The following STK3 variants were observed in gnomAD, a reference collection of about 807,000 sequenced individuals.
The protein encoded by STK3 is serine/threonine-protein kinase 3.
Under a neutral mutation model 58.0 loss-of-function variants are expected in STK3, and 41 were observed. That is an observed-to-expected ratio of 0.71 (90% CI 0.55 to 0.92). The LOEUF is 0.92. Ranked by LOEUF, STK3 falls within the 40% of genes least tolerant of loss-of-function variation. The pLI, the probability that STK3 is intolerant of heterozygous loss-of-function variation, is 0.00. For synonymous variants in STK3, 170 were observed against 191.0 expected, an observed-to-expected ratio of 0.89 and a Z score of 0.91; for missense variants, 479 against 602.7, an observed-to-expected ratio of 0.79 and a Z score of 2.15.
At chr8:98,404,274 T>C (rs1316381652) in intron 3 of STK3, among the ~76,000 whole-genome samples, 5 of 152,192 alleles carry the variant, frequency 3.3e-5, no homozygotes, top group Admixed American at 2.0e-4. Flanking sequence ...CAGTGGTTCA[T>C]GCCTGTAATC....
chr8:98,419,762 T>A (rs1225599635), intron 3 of STK3, among the ~76,000 whole-genome samples: 1 of 152,206 alleles, frequency 6.6e-6, no homozygotes. Context: ...CTTCTTCCTA[T>A]AATCTCGACA....
intron 6 of STK3, among the ~76,000 whole-genome samples, chr8:98,698,294 T>C (rs2131007555): frequency 6.6e-6 from 1 of 151,910 alleles, no homozygotes; most frequent in East Asian, 1.9e-4. Context: ...TACAGCACAC[T>C]GATGGGTCTT....
chr8:98,585,871 G>A (rs1050047425), intron 7 of STK3, among the ~76,000 whole-genome samples: 1 of 151,248 alleles, frequency 6.6e-6, no homozygotes, highest in Admixed American at 6.6e-5. Context: ...GTGAATGGGA[G>A]TTCACTCATG....
At chr8:98,631,936 A>G (rs1441862169) in intron 6 of STK3, among the ~76,000 whole-genome samples, 2 of 152,240 alleles carry the variant, frequency 1.3e-5, no homozygotes, top group Non-Finnish European at 2.9e-5. Flanking sequence ...AAGTGCTGGG[A>G]TTACAGGCGT....
chr8:98,395,773 T>C (rs1817892147), intron 3 of STK3, among the ~76,000 whole-genome samples: 2 of 152,206 alleles, frequency 1.3e-5, no homozygotes, highest in African/African-American at 2.4e-5. Context: ...ACAATGTTAG[T>C]AAACCACCTA....
intron 3 of STK3, among the ~76,000 whole-genome samples, chr8:98,411,386 A>T (rs1345896751): frequency 2.0e-5 from 3 of 152,230 alleles, no homozygotes; most frequent in Admixed American, 6.5e-5. Context: ...TTCACAGGAA[A>T]ACATCTTCAC....
intron 9 of STK3, among the ~76,000 whole-genome samples, chr8:98,534,280 T>A (rs901758378): frequency 6.6e-6 from 1 of 152,190 alleles, no homozygotes; most frequent in Non-Finnish European, 1.5e-5. Context: ...GTACCCACTG[T>A]AAAGATATTG....
chr8:98,614,605 C>A (rs918318181), intron 6 of STK3, among the ~76,000 whole-genome samples: 24 of 149,634 alleles, frequency 1.6e-4, no homozygotes, highest in Admixed American at 1.3e-3. Flanking sequence ...GGTGTGCGCA[C>A]CGTGCGCGAG....
chr8:98,385,935 T>C (rs1817786823), intron 1 of STK3, among the ~76,000 whole-genome samples: 2 of 152,166 alleles, frequency 1.3e-5, no homozygotes, highest in African/African-American at 4.8e-5. Context: ...AGAGAATAAT[T>C]ATTGAACAGT....
At chr8:98,475,615 G>A (rs1360141316) in intron 10 of STK3, among the ~76,000 whole-genome samples, 1 of 152,086 alleles carries the variant, frequency 6.6e-6, no homozygotes, top group East Asian at 1.9e-4. Context: ...CCATCCATTT[G>A]AAATATTTAA....
intron 6 of STK3, among the ~76,000 whole-genome samples, chr8:98,683,340 TGCTAAGTTG>T (rs1448015960): frequency 2.0e-5 from 3 of 152,122 alleles, no homozygotes; most frequent in African/African-American, 7.2e-5. Context: ...TTGATTCTTA[TGCTAAGTTG>T]TAAGTACAAC....
At chr8:98,928,277 C>T (rs1839878172) in intron 1 of STK3, among the ~76,000 whole-genome samples, 1 of 152,192 alleles carries the variant, frequency 6.6e-6, no homozygotes, top group South Asian at 2.1e-4. Flanking sequence ...TAAAGCAATG[C>T]AAGGCTATCA....
intron 9 of STK3, among the ~76,000 whole-genome samples, chr8:98,542,585 C>T (rs765883980): frequency 2.0e-5 from 3 of 152,072 alleles, no homozygotes; most frequent in Non-Finnish European, 4.4e-5. Flanking sequence ...CAGAGTTGCT[C>T]GATAGCTCAG....
chr8:98,521,633 T>C (rs533970064), intron 10 of STK3, among the ~76,000 whole-genome samples: 1 of 152,256 alleles, frequency 6.6e-6, no homozygotes, highest in Admixed American at 6.5e-5. Flanking sequence ...TCTGTAACCT[T>C]GCAAGCTTTC....
At chr8:98,742,333 T>G (rs1232667765) in intron 4 of STK3, among the ~76,000 whole-genome samples, 5 of 148,622 alleles carry the variant, frequency 3.4e-5, no homozygotes, top group Non-Finnish European at 3.0e-5. Flanking sequence ...AAATGCTCAA[T>G]AAAATACTGG....
chr8:98,747,352 T>G (rs1275994625), intron 4 of STK3, among the ~76,000 whole-genome samples: 1 of 152,114 alleles, frequency 6.6e-6, no homozygotes, highest in Non-Finnish European at 1.5e-5. Context: ...TACAAGCTCT[T>G]AAAAACAAAT....
intron 6 of STK3, among the ~76,000 whole-genome samples, chr8:98,664,582 C>T (rs1250235481): frequency 6.6e-6 from 1 of 152,178 alleles, no homozygotes; most frequent in Non-Finnish European, 1.5e-5. Context: ...TTTAGCCCAA[C>T]TTCGTTTGGT....
intron 3 of STK3, chr8:98,427,825 C>T: frequency 1.6e-6 from 1 of 619,528 alleles, no homozygotes; most frequent in Middle Eastern, 4.3e-4. Context: ...CCAGCCCAGC[C>T]CTTCAGCACC....
At position 98,653,577 on chromosome 8, in the gene STK3, G is replaced by C. The variant is rs186472063; in HGVS notation, c.684+52890C>G. On this transcript the variant is annotated intron_variant, in intron 6 of 10. Transcript: ENST00000419617. Reference sequence around the variant, plus strand: ...TTTGAAAGGATCAACAAAATTGATAGACCACTAGCAAGACTAATAAAGAAG... The same window carrying C: ...TTTGAAAGGATCAACAAAATTGATACACCACTAGCAAGACTAATAAAGAAG... 7.3e-4 allele frequency among the ~76,000 whole-genome samples: 111 copies of C among 152,224 alleles called. 2 individuals are homozygous for C. The East Asian group carries it at 0.02, about 27-fold the overall frequency.
Sources: gnomAD v4.1 joint callset for allele counts (sites outside exome capture counted in the v4.1 genomes callset) on GRCh38, gnomAD v4.1.1 for gene constraint, MANE v1.5 for transcripts, NCBI Gene and HGNC (gene_info 2026-07-23, HGNC 2026-07-21) for gene names.